The following RARB variants were observed in gnomAD, a reference collection of about 807,000 sequenced individuals.
The protein encoded by RARB is HBV-activated protein.
Under a neutral mutation model 51.9 loss-of-function variants are expected in RARB, and 17 were observed. The observed-to-expected ratio is 0.33, with a 90% CI of 0.22 to 0.49. The LOEUF (loss-of-function observed/expected upper bound fraction) is 0.49. RARB is among the 20% of genes least tolerant of loss of function. The pLI is 0.99. For synonymous variants in RARB, 215 were observed against 195.4 expected (o/e 1.10, Z -0.84); for missense variants, 369 against 550.8 (o/e 0.67, Z 3.30).
intron 5 of RARB, among the ~76,000 whole-genome samples, chr3:25,266,013 CTCCCTTCTCAT>C (rs1427804576): frequency 4.6e-5 from 7 of 152,176 alleles, no homozygotes; most frequent in African/African-American, 1.7e-4. Flanking sequence ...TTCTATAGTT[CTCCCTTCTCAT>C]TCCTCTTCCA....
At chr3:25,296,467 T>C (rs1703916881) in intron 5 of RARB, among the ~76,000 whole-genome samples, 1 of 152,202 alleles carries the variant, frequency 6.6e-6, no homozygotes, top group Non-Finnish European at 1.5e-5. Flanking sequence ...AACATGTTGA[T>C]TTTAATTGTA....
chr3:25,302,279 A>T (rs749012139), intron 5 of RARB, among the ~76,000 whole-genome samples: 1 of 152,244 alleles, frequency 6.6e-6, no homozygotes, highest in African/African-American at 2.4e-5. Flanking sequence ...CTCCTAGGAT[A>T]TACTCAAAGG....
At chr3:25,360,739 G>A (rs546722116) in intron 5 of RARB, among the ~76,000 whole-genome samples, 3 of 151,710 alleles carry the variant, frequency 2.0e-5, no homozygotes, top group Non-Finnish European at 2.9e-5. Context: ...CACTTATAAA[G>A]CTTAGTTTGG....
chr3:25,461,500 A>C (rs1241935286), intron 2 of RARB, among the ~76,000 whole-genome samples, 159 bp downstream of exon 2: 1 of 152,206 alleles, frequency 6.6e-6, no homozygotes, highest in Non-Finnish European at 1.5e-5. Flanking sequence ...TTCCTTATAT[A>C]TCTTTGGTTT....
At chr3:25,173,031 A>C (rs1392317683) in intron 4 of RARB, among the ~76,000 whole-genome samples, 1 of 152,218 alleles carries the variant, frequency 6.6e-6, no homozygotes, top group Non-Finnish European at 1.5e-5. Flanking sequence ...TTCGTGCCAC[A>C]TGAATCTTTT....
chr3:25,263,558 G>T (rs1703056196), intron 5 of RARB, among the ~76,000 whole-genome samples: 2 of 152,160 alleles, frequency 1.3e-5, no homozygotes, highest in Non-Finnish European at 2.9e-5. Context: ...GAGTGAATTA[G>T]CTGACTCCAT....
intron 2 of RARB, among the ~76,000 whole-genome samples, chr3:25,482,594 C>T (rs1413025247): frequency 8.4e-6 from 1 of 119,720 alleles, no homozygotes; most frequent in East Asian, 2.9e-4. Flanking sequence ...GGCCGGAGTG[C>T]AGTGGCGTGA....
chr3:24,883,484 A>T (rs1703212060), intron 2 of RARB, among the ~76,000 whole-genome samples: 1 of 152,042 alleles, frequency 6.6e-6, no homozygotes, highest in Non-Finnish European at 1.5e-5. Flanking sequence ...TAAAGGAATC[A>T]AGAAAGAGGG....
intron 5 of RARB, among the ~76,000 whole-genome samples, chr3:25,586,824 C>G (rs1396139202): frequency 6.6e-6 from 1 of 152,194 alleles, no homozygotes; most frequent in African/African-American, 2.4e-5. Flanking sequence ...GGAGCGAGCT[C>G]TGGGCTTAAA....
chr3:24,848,263 G>A (rs1483568075), intron 1 of RARB, among the ~76,000 whole-genome samples: 2 of 152,146 alleles, frequency 1.3e-5, no homozygotes, highest in Non-Finnish European at 2.9e-5. Flanking sequence ...TTTTTGCCAT[G>A]TTGCCCAGAC....
rs192302938 is a variant in RARB, at chr3:25,300,865, C to G, written c.178+126290C>G. On this transcript the variant is annotated intron_variant, in intron 5 of 11. Coordinates refer to the RARB transcript ENST00000383772. ...AAAAAAAATTAGCTGGGCATGGTGG[C>G]GGGTGCCTGTAATCCCAGCTACTCA... Among the ~76,000 whole-genome samples, 28 of 152,170 alleles carry G rather than the reference C, an allele frequency of 1.8e-4. 1 individual carries two copies. In the East Asian group the frequency reaches 5.4e-3, roughly 29 times the overall value.
chr3:25,583,092 A>G (rs1354478449), intron 5 of RARB, among the ~76,000 whole-genome samples: 1 of 152,130 alleles, frequency 6.6e-6, no homozygotes, highest in Non-Finnish European at 1.5e-5. Context: ...GCCAGGGAGG[A>G]AAATGTCCCG....
intron 3 of RARB, among the ~76,000 whole-genome samples, chr3:25,100,479 G>A (rs1277378617): frequency 1.3e-5 from 2 of 152,104 alleles, no homozygotes; most frequent in Admixed American, 1.3e-4. Flanking sequence ...AAGCAGAGAA[G>A]ACTTTAAGCT....
rs138841712 is a variant in RARB at position 25,151,619 on chromosome 3, T to G, written c.-280+19411T>G. 7.5e-4 allele frequency among the ~76,000 whole-genome samples: 114 copies of G among 152,342 alleles called. 1 individual carries two copies. Among genetic ancestry groups the G allele is most frequent in the African/African-American group, 2.7e-3 (113 of 41,572 alleles). On this transcript the variant is annotated intron_variant, in intron 4 of 11. Coordinates refer to the RARB transcript ENST00000383772. Reference sequence around the variant, plus strand: ...CGATTCAGCATTATATGCGTGTTCTTCTCAGATATCCATTAGTTGCTAATA... The same window carrying G: ...CGATTCAGCATTATATGCGTGTTCTGCTCAGATATCCATTAGTTGCTAATA...
chr3:25,308,561 G>T (rs146931064), intron 5 of RARB, among the ~76,000 whole-genome samples: 1 of 150,984 alleles, frequency 6.6e-6, no homozygotes. Flanking sequence ...CGATTCTCGT[G>T]CCTCAGCCTC....
chr3:25,155,049 A>T (rs1297095396), intron 4 of RARB, among the ~76,000 whole-genome samples: 1 of 152,060 alleles, frequency 6.6e-6, no homozygotes, highest in Non-Finnish European at 1.5e-5. Context: ...CTCACATCCA[A>T]TTCTGTTATT....
At chr3:25,090,597 G>A (rs1410384406) in intron 3 of RARB, among the ~76,000 whole-genome samples, 2 of 152,008 alleles carry the variant, frequency 1.3e-5, no homozygotes, top group Non-Finnish European at 2.9e-5. Flanking sequence ...GTAGCCTTGG[G>A]GAACGAAATT....
At chr3:25,258,848 T>G (rs1400719378) in intron 5 of RARB, among the ~76,000 whole-genome samples, 1 of 152,056 alleles carries the variant, frequency 6.6e-6, no homozygotes, top group Non-Finnish European at 1.5e-5. Flanking sequence ...CTTGCAATAA[T>G]TAATTCAGTC....
intron 5 of RARB, among the ~76,000 whole-genome samples, chr3:25,239,393 G>A (rs1369960805): frequency 2.6e-5 from 4 of 152,114 alleles, no homozygotes; most frequent in African/African-American, 9.7e-5. Context: ...GTGTCTTCAA[G>A]TGTTTCCCCT....
Sources: gnomAD v4.1 joint callset for allele counts (sites outside exome capture counted in the v4.1 genomes callset) on GRCh38, gnomAD v4.1.1 for gene constraint, MANE v1.5 for transcripts, NCBI Gene and HGNC (gene_info 2026-07-23, HGNC 2026-07-21) for gene names.